DHRS3: variants seen among roughly 807,000 people sequenced by gnomAD.
DHRS3 encodes the protein short-chain dehydrogenase/reductase 3.
DHRS3 carries 14 observed loss-of-function variants against 27.2 expected under a neutral mutation model. The ratio of observed to expected loss-of-function variants is 0.52; its 90% CI spans 0.34 to 0.81. The LOEUF (loss-of-function observed/expected upper bound fraction) is 0.81. Ranked by LOEUF, DHRS3 falls within the 30% of genes least tolerant of loss-of-function variation. The probability of loss-of-function intolerance (pLI) is 0.01; values close to 1 mark genes in which losing one functional copy is unlikely to be tolerated. For synonymous variants in DHRS3, 165 were observed against 175.9 expected (o/e 0.94, Z 0.49); for missense variants, 322 against 406.2 (o/e 0.79, Z 1.78).
In DHRS3 at chr1:12,593,853, A is replaced by T. The variant is rs1646766077; in HGVS notation, c.196-13187T>A. On this transcript the variant is annotated intron_variant, in intron 1 of 5. Coordinates refer to ENST00000616661, the MANE Select transcript of DHRS3 (RefSeq NM_004753.7). This position sits in a 1 kb window ranked among gnomAD's most constrained non-coding sequence, Gnocchi z 4.6. ...AAAGCTGACTCTGGGCAGGCAGAACACTGCTCACTCCCAGCCAGAAACCCA... is the reference window on the plus strand; with the variant it reads ...AAAGCTGACTCTGGGCAGGCAGAACTCTGCTCACTCCCAGCCAGAAACCCA... Among the ~76,000 whole-genome samples, 3 of 152,084 alleles carry T rather than the reference A, an allele frequency of 2.0e-5. No homozygotes were observed. The highest frequency in any genetic ancestry group is 2.9e-5 in the Non-Finnish European group (2 of 68,002).
In DHRS3 at chr1:12,586,436, C is replaced by T. The variant is rs1646697736; in HGVS notation, c.196-5770G>A. On this transcript the variant is annotated intron_variant, in intron 1 of 5. Coordinates refer to ENST00000616661, the MANE Select transcript of DHRS3 (RefSeq NM_004753.7). The surrounding 1 kb of genome is among the most constrained non-coding windows in gnomAD (Gnocchi z 5.0). ...CCCAGCCAGCCTTCTCCTGCTTCGT[C>T]TCCTCCAATGTCCACAACAGCCCCG... Among the ~76,000 whole-genome samples the T allele has an allele frequency of 6.6e-6, 1 of 151,944 alleles. No individual in the cohort carries two copies. Among genetic ancestry groups the T allele is most frequent in the Non-Finnish European group, 1.5e-5 (1 of 67,992 alleles).
At chr1:12,605,377 A>G (rs1003917520) in intron 1 of DHRS3, among the ~76,000 whole-genome samples, 2 of 152,170 alleles carry the variant, frequency 1.3e-5, no homozygotes, top group African/African-American at 4.8e-5. Context: ...TACAGTATCT[A>G]TCTTGTATAT....
chr1:12,582,287 G>A (rs61776833), intron 1 of DHRS3, among the ~76,000 whole-genome samples: 8,322 of 152,162 alleles, frequency 0.055, 308 homozygotes, highest in Middle Eastern at 0.085. Flanking sequence ...CAGAAATTCC[G>A]GTATTCTCCA....
At position 12,580,535 on chromosome 1, in the gene DHRS3, G is replaced by A. The variant is rs763828822; in HGVS notation, c.327C>T (p.Ala109=). ...CCAGGCTACAGACCTTCTCCCGGAC[G>A]GCCTTGGCCGTCTGGTACACCTCCT... is the stretch of plus-strand genomic sequence containing the variant. ...NREEVYQTAK[A]VREKVGDITI... Residue 109 remains alanine (A), a synonymous_variant, in exon 2 of 6, where the codon GCC becomes GCT. Transcript: ENST00000616661. 8.1e-6 allele frequency: 13 copies of A among 1,614,054 alleles called. No individual in the cohort carries two copies. The highest frequency in any genetic ancestry group is 1.6e-4 in the Middle Eastern group (1 of 6,084).
chr1:12,578,336 G>T lies in DHRS3; in HGVS notation c.698+382C>A, dbSNP rs1646609312. On this transcript the variant is annotated intron_variant, in intron 4 of 5. Coordinates refer to ENST00000616661, the MANE Select transcript of DHRS3 (RefSeq NM_004753.7). The surrounding 1 kb of genome is among the most constrained non-coding windows in gnomAD (Gnocchi z 4.5). ...TGGTGACTTTTTGTTTTGAGACAGGGTCTCACTCTCTCTCCCAGGCTGGAG... is the reference window on the plus strand; with the variant it reads ...TGGTGACTTTTTGTTTTGAGACAGGTTCTCACTCTCTCTCCCAGGCTGGAG... Among the ~76,000 whole-genome samples, 1 of 152,132 alleles carries T rather than the reference G, an allele frequency of 6.6e-6. No homozygotes were observed. The highest frequency in any genetic ancestry group is 2.4e-5 in the African/African-American group (1 of 41,434).
chr1:12,596,225 C>T (rs1646795996), intron 1 of DHRS3: 1 of 152,316 alleles, frequency 6.6e-6, no homozygotes, highest in South Asian at 2.1e-4. Context: ...GGAGCGGCCT[C>T]GCTCCCCTCG....
At chr1:12,573,477 C>T (rs757976668) in intron 4 of DHRS3, among the ~76,000 whole-genome samples, 31 of 152,356 alleles carry the variant, frequency 2.0e-4, no homozygotes, top group South Asian at 1.7e-3. Flanking sequence ...GAGGCCTGGT[C>T]GGTCCTGCTC....
At chr1:12,584,462 G>C (rs1218535462) in intron 1 of DHRS3, among the ~76,000 whole-genome samples, 1 of 151,984 alleles carries the variant, frequency 6.6e-6, no homozygotes, top group East Asian at 1.9e-4. Flanking sequence ...CACCATGATA[G>C]GTTTGCCTTT....
At chr1:12,580,187 G>T in intron 2 of DHRS3, 1 of 375,506 alleles carries the variant, frequency 2.7e-6, no homozygotes, top group African/African-American at 2.1e-5. Flanking sequence ...TCCCTCTCTT[G>T]GAGGTCACTG....
chr1:12,579,502 G>T, intron 2 of DHRS3, 90 bp from the exon 3 acceptor site: 1 of 1,520,344 alleles, frequency 6.6e-7, no homozygotes, highest in East Asian at 2.3e-5. Flanking sequence ...TTGAGATGGA[G>T]TCTCACTCTG....
chr1:12,598,797 G>A (rs4846125), intron 1 of DHRS3, among the ~76,000 whole-genome samples: 4,948 of 152,298 alleles, frequency 0.032, 251 homozygotes, highest in African/African-American at 0.11. Flanking sequence ...GACCCTGGAA[G>A]TATAAGTAAT....
chr1:12,609,435 A>G (rs1282776754), intron 1 of DHRS3, among the ~76,000 whole-genome samples: 2 of 152,126 alleles, frequency 1.3e-5, no homozygotes, highest in Non-Finnish European at 2.9e-5. Flanking sequence ...ACCCCCTCCA[A>G]CAGTGGCACC....
intron 1 of DHRS3, among the ~76,000 whole-genome samples, chr1:12,582,270 C>A (rs1389457114): frequency 2.6e-5 from 4 of 152,184 alleles, no homozygotes; most frequent in South Asian, 2.1e-4. Flanking sequence ...GCCTAGCTGG[C>A]GGCTCTCAGA....
At chr1:12,601,643 GC>G (rs1557529301) in intron 1 of DHRS3, among the ~76,000 whole-genome samples, 2 of 152,094 alleles carry the variant, frequency 1.3e-5, no homozygotes, top group Admixed American at 6.6e-5. Flanking sequence ...CATATAGACT[GC>G]CTGGCTACGG....
In DHRS3 at chr1:12,605,599, A is replaced by G. The variant is rs139931691; in HGVS notation, c.195+11555T>C. ...GGAAAATGCGTATTACGAAAAAACTAGGCATATATTTGAGATTTTTTTTGC... is the reference window on the plus strand; with the variant it reads ...GGAAAATGCGTATTACGAAAAAACTGGGCATATATTTGAGATTTTTTTTGC... On this transcript the variant is annotated intron_variant, in intron 1 of 5. Transcript: ENST00000616661. 2.2e-3 allele frequency among the ~76,000 whole-genome samples: 331 copies of G among 152,342 alleles called. 4 individuals are homozygous for G. In the East Asian group the frequency reaches 0.041, roughly 19 times the overall value.
At chr1:12,570,047 T>A (rs1278637103) in intron 5 of DHRS3, 7 of 152,240 alleles carry the variant, frequency 4.6e-5, no homozygotes, top group Non-Finnish European at 7.3e-5. Flanking sequence ...AGGGGAGTGC[T>A]GACCTTCTCT....
intron 4 of DHRS3, among the ~76,000 whole-genome samples, chr1:12,576,572 A>C (rs997761698): frequency 5.3e-5 from 8 of 151,094 alleles, no homozygotes; most frequent in African/African-American, 1.7e-4. Context: ...AAAAAAAAAA[A>C]CAAAACAAAA....
Position 12,617,547 on chromosome 1 carries a change from T to G in DHRS3, c.-199A>C. On this transcript the variant is annotated 5_prime_UTR_variant, in exon 1 of 6. Transcript: ENST00000616661. ...AAAAAAAAAAAAAAAAAAAGATAAATTCTCCTCTGGGGGAGAAAAAGCGTC... is the reference window on the plus strand; with the variant it reads ...AAAAAAAAAAAAAAAAAAAGATAAAGTCTCCTCTGGGGGAGAAAAAGCGTC... The G allele has an allele frequency of 3.7e-5, 15 of 406,004 alleles. No homozygotes were observed. The highest frequency in any genetic ancestry group is 9.6e-5 in the Admixed American group (2 of 20,818). 25.2% of individuals were successfully genotyped at this position (406,004 alleles called of 1,614,324 possible).
intron 4 of DHRS3, 76 bp from the exon 5 acceptor site, chr1:12,572,929 A>T (rs1323602201): frequency 1.4e-6 from 2 of 1,480,060 alleles, no homozygotes; most frequent in Admixed American, 5.2e-5. Context: ...TGAGGCTGAC[A>T]TGTCTGGGTC....
Sources: gnomAD v4.1 joint callset for allele counts (sites outside exome capture counted in the v4.1 genomes callset) on GRCh38, gnomAD v4.1.1 for gene constraint, Gnocchi (gnomAD v3.1) non-coding constraint, MANE v1.5 for transcripts, NCBI Gene and HGNC (gene_info 2026-07-23, HGNC 2026-07-21) for gene names.